The following DHRS12 variants were observed in gnomAD, a reference collection of about 807,000 sequenced individuals.
DHRS12 encodes dehydrogenase/reductase 12.
A neutral mutation model predicts 32.1 loss-of-function variants in DHRS12; 29 were observed. The ratio of observed to expected loss-of-function variants is 0.90; its 90% CI spans 0.67 to 1.23. The LOEUF (loss-of-function observed/expected upper bound fraction) is 1.23. DHRS12 is among the 50% of genes most tolerant of loss of function. The pLI, the probability that DHRS12 is intolerant of heterozygous loss-of-function variation, is 0.00. For synonymous variants in DHRS12, 150 were observed against 135.9 expected (o/e 1.10, Z -0.72); for missense variants, 330 against 337.2 (o/e 0.98, Z 0.17).
At chr13:51,758,374 G>A in the DHRS12 span, 3 of 1,141,702 alleles carry the variant, frequency 2.6e-6, no homozygotes, top group Non-Finnish European at 3.8e-6. Context: ...AAGAACATGG[G>A]AGGCACTGTT....
In DHRS12 at chr13:51,793,389, T is replaced by C. The variant is rs542662773; in HGVS notation, c.127-2132A>G. Among the ~76,000 whole-genome samples the C allele has an allele frequency of 1.1e-4, 17 of 152,316 alleles. 1 individual carries two copies. The East Asian group carries it at 3.3e-3, about 29-fold the overall frequency. The stretch of plus-strand genomic sequence containing the variant: ...AACTCCTTTGACAAAGCAGAGAAGT[T>C]CCGTGCCCTGCCTGAGTTTCCCCAT... On this transcript the variant is annotated intron_variant, in intron 2 of 8. Transcript: ENST00000444610.
intron 7 of DHRS12, chr13:51,770,633 G>T: frequency 2.3e-6 from 1 of 435,810 alleles, no homozygotes; most frequent in Non-Finnish European, 3.0e-6. Flanking sequence ...CTGTATTTAA[G>T]ACAGGAGACT....
chr13:51,758,457 G>A, the DHRS12 span, among the ~76,000 whole-genome samples: 1 of 151,692 alleles, frequency 6.6e-6, no homozygotes, highest in Non-Finnish European at 1.5e-5. Flanking sequence ...AGATTTAGGA[G>A]GGAGGATTGC....
At chr13:51,756,802 C>T in the DHRS12 span, among the ~76,000 whole-genome samples, 7 of 152,200 alleles carry the variant, frequency 4.6e-5, no homozygotes, top group Admixed American at 4.6e-4. Flanking sequence ...CTTTCTGTCC[C>T]AAGCTGGTAT....
chr13:51,790,991 C>G (rs930754056), intron 3 of DHRS12, among the ~76,000 whole-genome samples, 174 bp downstream of exon 3: 1 of 152,160 alleles, frequency 6.6e-6, no homozygotes, highest in African/African-American at 2.4e-5. Flanking sequence ...TAACCACATG[C>G]GTCTCCTCTT....
In DHRS12 at chr13:51,804,098, G is replaced by A; in HGVS notation, c.-53C>T. ...CCTTGGCGAACCACACGACGCTGCGGTACAGGGACATGCCGGGAGCGCCCC... is the reference window on the plus strand; with the variant it reads ...CCTTGGCGAACCACACGACGCTGCGATACAGGGACATGCCGGGAGCGCCCC... On this transcript the variant is annotated 5_prime_UTR_variant, in exon 1 of 9. Coordinates refer to ENST00000444610, the MANE Select transcript of DHRS12 (RefSeq NM_001377533.1). 1 of 1,491,252 alleles carries A rather than the reference G, an allele frequency of 6.7e-7. No homozygotes were observed. 92.4% of individuals were successfully genotyped at this position (1,491,252 alleles called of 1,614,324 possible).
At chr13:51,772,379 A>G (rs7319133) in intron 6 of DHRS12, among the ~76,000 whole-genome samples, 2,150 of 152,202 alleles carry the variant, frequency 0.014, 46 homozygotes, top group African/African-American at 0.05. Flanking sequence ...CTGTAATCCC[A>G]ACACTTTGGG....
intron 1 of DHRS12, 56 bp from the exon 2 acceptor site, chr13:51,799,723 C>T: frequency 6.3e-7 from 1 of 1,588,280 alleles, no homozygotes; most frequent in Admixed American, 1.7e-5. Context: ...AACACAAACC[C>T]CTGCAGGAGA....
At chr13:51,777,038 A>G in intron 5 of DHRS12, 22 bp downstream of exon 5, 4 of 1,614,074 alleles carry the variant, frequency 2.5e-6, no homozygotes, top group African/African-American at 1.3e-5. Context: ...TATCCTCAAA[A>G]CATCCCATAA....
At chr13:51,787,934 T>TATATA (rs1483347283) in intron 4 of DHRS12, among the ~76,000 whole-genome samples, 878 of 20,120 alleles carry the variant, frequency 0.044, 18 homozygotes, top group Non-Finnish European at 0.087. Context: ...TATATACTTA[T>TATATA]ATATATAATT....
chr13:51,771,911 T>A lies in DHRS12; in HGVS notation c.469A>T (p.Arg157Trp). ...CGCTCCGTCAGAACCACTTGCTGCC[T>A]CTGGACAGGAAGGAGCGAGGGGGTG... ...DGTMVYAQNK[R>W]QQVVLTERWA... Residue 157 changes from arginine (R) to tryptophan (W), a missense_variant and splice_region_variant, in exon 7 of 9, where the codon AGG (arginine) becomes TGG (tryptophan). Physicochemically the swap from Arg to Trp is moderately radical, Grantham distance 101. Transcript: ENST00000444610. 1 of 1,614,040 alleles carries A rather than the reference T, an allele frequency of 6.2e-7. No homozygotes were observed. Among genetic ancestry groups the A allele is most frequent in the African/African-American group, 1.3e-5 (1 of 75,036 alleles).
rs1013381612 is a variant in DHRS12, at chr13:51,782,973, G to A, written c.302-5852C>T. Among the ~76,000 whole-genome samples the A allele has an allele frequency of 6.6e-5, 10 of 152,166 alleles. No individual in the cohort carries two copies. Among genetic ancestry groups the A allele is most frequent in the East Asian group, 3.9e-4 (2 of 5,192 alleles). On this transcript the variant is annotated intron_variant, in intron 4 of 8. Transcript: ENST00000444610. The surrounding 1 kb of genome is among the most constrained non-coding windows in gnomAD (Gnocchi z 4.2). The stretch of plus-strand genomic sequence containing the variant: ...GAAGACCTAGAAGGGCAGACACCAC[G>A]GAGCCTGGCGAGGACTCTGCACCAC...
At position 51,799,549 on chromosome 13, in the gene DHRS12, C is replaced by T. The variant is rs1426869947; in HGVS notation, c.111G>A (p.Leu37=). The change falls in exon 2 of 9, where the codon TTG becomes TTA. Residue 37 remains leucine (L), a synonymous_variant. Coordinates refer to ENST00000444610, the MANE Select transcript of DHRS12 (RefSeq NM_001377533.1). ...ETAALAKQLP[L]KSPSENIFLH... The stretch of plus-strand genomic sequence containing the variant: ...AGCTGCTTACCTCGCTTGGCGATTT[C>T]AAGGGCAGTTGCTTTGCCAATGCCG... 1 of 1,613,770 alleles carries T rather than the reference C, an allele frequency of 6.2e-7. No homozygotes were observed. Among genetic ancestry groups the T allele is most frequent in the South Asian group, 1.1e-5 (1 of 91,062 alleles).
intron 2 of DHRS12, among the ~76,000 whole-genome samples, chr13:51,798,151 C>A (rs1566308994): frequency 6.6e-6 from 1 of 152,214 alleles, no homozygotes; most frequent in South Asian, 2.1e-4. Context: ...CTGAACACAT[C>A]AAGGATAAGA....
chr13:51,771,755 C>T, intron 7 of DHRS12, 66 bp downstream of exon 7: 1 of 1,572,674 alleles, frequency 6.4e-7, no homozygotes, highest in Non-Finnish European at 8.7e-7. Flanking sequence ...GAGAGTCAAT[C>T]CTGCGGCTGC....
chr13:51,797,851 T>TCAC (rs922300347), intron 2 of DHRS12: 1 of 1,535,554 alleles, frequency 6.5e-7, no homozygotes, highest in African/African-American at 1.4e-5. Context: ...CCGGATGATC[T>TCAC]CACCCCTGGC....
the DHRS12 span, chr13:51,755,553 T>A: frequency 8.2e-7 from 1 of 1,216,822 alleles, no homozygotes; most frequent in Non-Finnish European, 1.2e-6. Flanking sequence ...GTGGGAGTTG[T>A]GGTGAGGGTA....
At chr13:51,800,597 C>T (rs985608509) in intron 1 of DHRS12, among the ~76,000 whole-genome samples, 2 of 152,194 alleles carry the variant, frequency 1.3e-5, no homozygotes, top group East Asian at 3.9e-4. Context: ...CTCAAGGCTC[C>T]ACAGATGCTG....
At position 51,772,983 on chromosome 13, in the gene DHRS12, G is replaced by C. The variant is rs76223806; in HGVS notation, c.468+947C>G. 5,485 of 985,488 alleles carry C rather than the reference G, an allele frequency of 5.6e-3. 185 individuals carry two copies. The African/African-American group carries it at 0.076, about 14-fold the overall frequency. The allele number at this position is 985,488 out of a possible 1,614,324, so 61.0% of individuals were successfully genotyped here. On this transcript the variant is annotated intron_variant, in intron 6 of 8. Transcript: ENST00000444610. ...GGCCACCTTCGGAAGGCACACAGCA[G>C]CGACAAGGAAGGCGGAGGGTGCTGG...
Sources: allele counts gnomAD v4.1 joint callset (sites outside exome capture counted in the v4.1 genomes callset), GRCh38; gene constraint gnomAD v4.1.1; non-coding constraint Gnocchi (gnomAD v3.1); transcripts MANE v1.5; gene names NCBI Gene and HGNC (gene_info 2026-07-23, HGNC 2026-07-21).